SIRPA: variants seen among roughly 807,000 people sequenced by gnomAD.
SIRPA encodes the protein tyrosine-protein phosphatase non-receptor type substrate 1.
SIRPA carries 9 observed loss-of-function variants against 50.3 expected under a neutral mutation model. That is an observed-to-expected ratio of 0.18 (90% confidence interval 0.11 to 0.31). The LOEUF (loss-of-function observed/expected upper bound fraction) is 0.31, where lower values mean the gene tolerates loss of function less well. Among genes scored for constraint, SIRPA ranks in the 10% least tolerant of loss-of-function variants. The pLI is 1.00. For missense variants in SIRPA, 474 were observed against 661.6 expected (o/e 0.72, Z 3.11); for synonymous variants, 265 against 284.1 (o/e 0.93, Z 0.68).
rs1418943597 is a variant in SIRPA at position 1,939,457 on chromosome 20, C to G, written c.*1889C>G. 1 of 152,202 alleles carries G rather than the reference C, an allele frequency of 6.6e-6. No individual in the cohort carries two copies. Among genetic ancestry groups the G allele is most frequent in the Admixed American group, 6.5e-5 (1 of 15,284 alleles). The allele number at this position is 152,202 out of a possible 1,614,324, so 9.4% of individuals were successfully genotyped here. On this transcript the variant is annotated 3_prime_UTR_variant, in exon 8 of 8. Transcript: ENST00000358771. This position sits in a 1 kb window ranked among gnomAD's most constrained non-coding sequence, Gnocchi z 4.7. Reference sequence around the variant, plus strand: ...GTGTGGCATCTGGGAGCCACAGTGACCCAGCCACCTGGCTCAGGCTAGTTC... The same window carrying G: ...GTGTGGCATCTGGGAGCCACAGTGAGCCAGCCACCTGGCTCAGGCTAGTTC...
Position 1,937,223 on chromosome 20 carries a change from A to C in SIRPA, c.1267-97A>C. ...CTGAGCCAGTGTGGGCCGAGAGGAC[A>C]CAGAAGCATCCAGACTTGGTATTCA... On this transcript the variant is annotated intron_variant, in intron 7 of 7. Coordinates refer to ENST00000358771, the MANE Select transcript of SIRPA (RefSeq NM_001040023.2). This position sits in a 1 kb window ranked among gnomAD's most constrained non-coding sequence, Gnocchi z 8.3. 7.0e-7 allele frequency: 1 copy of C among 1,436,346 alleles called. No individual in the cohort carries two copies. Among genetic ancestry groups the C allele is most frequent in the East Asian group, 2.3e-5 (1 of 43,596 alleles). 89.0% of individuals were successfully genotyped at this position (1,436,346 alleles called of 1,614,324 possible). A position where few individuals can be genotyped will look rare whatever the true frequency, so the allele number is the denominator to read the frequency against.
intron 1 of SIRPA, among the ~76,000 whole-genome samples, chr20:1,906,123 A>G (rs991145284): frequency 1.6e-4 from 24 of 152,124 alleles, no homozygotes; most frequent in African/African-American, 5.8e-4. Context: ...TCCTCAGAAC[A>G]ACCCTAGTAT....
At chr20:1,908,066 C>T (rs1296294254) in intron 1 of SIRPA, among the ~76,000 whole-genome samples, 2 of 152,132 alleles carry the variant, frequency 1.3e-5, no homozygotes, top group Admixed American at 6.6e-5. Context: ...ATCAAGGGCA[C>T]GACCCTAGAC....
At chr20:1,909,645 G>A (rs956557752) in intron 1 of SIRPA, among the ~76,000 whole-genome samples, 1 of 152,100 alleles carries the variant, frequency 6.6e-6, no homozygotes, top group African/African-American at 2.4e-5. Flanking sequence ...AGCCAGGTGT[G>A]GTGGCAGGCG....
Position 1,937,366 on chromosome 20 carries a change from AGAAGCCTGCTCCCCAGGCTGC to A in SIRPA, c.1315_1335del (p.Lys439_Ala445del), listed in dbSNP as rs1404732385. On this transcript the variant is annotated inframe_deletion, in exon 8 of 8. Coordinates refer to ENST00000358771, the MANE Select transcript of SIRPA (RefSeq NM_001040023.2). This position sits in a 1 kb window ranked among gnomAD's most constrained non-coding sequence, Gnocchi z 8.3. ...GCAGACCTGAACCTGCCCAAGGGGA[AGAAGCCTGCTCCCCAGGCTGC>A]GGAGCCCAACAACCACACGGAGTAT... 6.2e-7 allele frequency: 1 copy of A among 1,614,128 alleles called. No homozygotes were observed. Among genetic ancestry groups the A allele is most frequent in the Non-Finnish European group, 8.5e-7 (1 of 1,179,996 alleles).
intron 1 of SIRPA, among the ~76,000 whole-genome samples, chr20:1,914,255 C>T (rs1462241738): frequency 6.6e-6 from 1 of 152,156 alleles, no homozygotes; most frequent in Non-Finnish European, 1.5e-5. Context: ...AAAACTGAGA[C>T]TCAAAACTGA....
intron 1 of SIRPA, among the ~76,000 whole-genome samples, chr20:1,901,163 CTTTTTTTTTT>C (rs869181595): frequency 2.5e-5 from 2 of 78,838 alleles, no homozygotes; most frequent in Non-Finnish European, 4.5e-5. Flanking sequence ...TTCTTTCTTT[CTTTTTTTTTT>C]TTTTTTTTTT....
chr20:1,939,246 A>G lies in SIRPA; in HGVS notation c.*1678A>G, dbSNP rs1986760292. ...CTCCTGGCCTTGGGATGCCCAAGGG[A>G]TTTCTGGCTCAGGCTGTAAAAGTAG... On this transcript the variant is annotated 3_prime_UTR_variant, in exon 8 of 8. Transcript: ENST00000358771. The surrounding 1 kb of genome is among the most constrained non-coding windows in gnomAD (Gnocchi z 4.7). 6.6e-6 allele frequency: 1 copy of G among 152,160 alleles called. No homozygotes were observed. Among genetic ancestry groups the G allele is most frequent in the Admixed American group, 6.5e-5 (1 of 15,282 alleles). The allele number at this position is 152,160 out of a possible 1,614,324, so 9.4% of individuals were successfully genotyped here.
Position 1,922,506 on chromosome 20 carries a change from C to T in SIRPA, c.948C>T (p.Leu316=). The change falls in exon 4 of 8, where the codon CTC becomes CTT. Residue 316 remains leucine (L), a synonymous_variant. Coordinates refer to ENST00000358771, the MANE Select transcript of SIRPA (RefSeq NM_001040023.2). ...GTACCTACAACTGGATGAGCTGGCTCCTGGTGAATGTATCTGCCCACAGGG... is the reference window on the plus strand; with the variant it reads ...GTACCTACAACTGGATGAGCTGGCTTCTGGTGAATGTATCTGCCCACAGGG... The part of the protein sequence containing the change: ...KDGTYNWMSW[L]LVNVSAHRDD... The T allele has an allele frequency of 1.9e-6, 3 of 1,614,188 alleles. No individual in the cohort carries two copies. The highest frequency in any genetic ancestry group is 1.7e-6 in the Non-Finnish European group (2 of 1,180,038).
intron 1 of SIRPA, among the ~76,000 whole-genome samples, chr20:1,899,335 C>T (rs553270680): frequency 6.6e-6 from 1 of 152,342 alleles, no homozygotes; most frequent in African/African-American, 2.4e-5. Context: ...CAGGCTTCCT[C>T]CCTGCAGACC....
Position 1,922,655 on chromosome 20 carries a change from C to T in SIRPA, c.1087+10C>T. 2.5e-6 allele frequency: 4 copies of T among 1,602,466 alleles called. No homozygotes were observed. Among genetic ancestry groups the T allele is most frequent in the Non-Finnish European group, 3.4e-6 (4 of 1,174,518 alleles). On this transcript the variant is annotated intron_variant, in intron 4 of 7. Transcript: ENST00000358771. ...TCAAATACCGCCGCTGGTGAGGCCT[C>T]TATTTCAGCTGACCCAGCTTTTTTA...
rs771410735 is a variant in SIRPA at position 1,922,416 on chromosome 20, C to G, written c.858C>G (p.Thr286=). 11 of 1,614,148 alleles carry G rather than the reference C, an allele frequency of 6.8e-6. No homozygotes were observed. Among genetic ancestry groups the G allele is most frequent in the South Asian group, 2.2e-5 (2 of 91,092 alleles). The change falls in exon 4 of 8, where the codon ACC becomes ACG. Residue 286 remains threonine, a synonymous_variant. Coordinates refer to ENST00000358771, the MANE Select transcript of SIRPA (RefSeq NM_001040023.2). ...RKFYPQRLQL[T]WLENGNVSRT... ...TCTACCCCCAGAGACTACAGCTGAC[C>G]TGGTTGGAGAATGGAAACGTGTCCC... is the stretch of plus-strand genomic sequence containing the variant.
chr20:1,917,025 A>G (rs1441758557), intron 2 of SIRPA, among the ~76,000 whole-genome samples: 1 of 152,182 alleles, frequency 6.6e-6, no homozygotes. Flanking sequence ...TCTCGTGCCT[A>G]GACAATCACA....
rs868096441 is a variant in SIRPA at position 1,924,370 on chromosome 20, G to T, written c.1088-394G>T. Among the ~76,000 whole-genome samples, 1 of 152,198 alleles carries T rather than the reference G, an allele frequency of 6.6e-6. No homozygotes were observed. Among genetic ancestry groups the T allele is most frequent in the African/African-American group, 2.4e-5 (1 of 41,456 alleles). On this transcript the variant is annotated intron_variant, in intron 4 of 7. Transcript: ENST00000358771. This position sits in a 1 kb window ranked among gnomAD's most constrained non-coding sequence, Gnocchi z 4.5. ...CTGAGCTGTGCAGAGCCTGCTGGCC[G>T]CACTGCCCTTCTTCCAGCTGCTGAT...
At position 1,928,478 on chromosome 20, in the gene SIRPA, AC is replaced by A. The variant is rs1328019226; in HGVS notation, c.1226+581del. Among the ~76,000 whole-genome samples the A allele has an allele frequency of 6.6e-6, 1 of 152,172 alleles. No individual in the cohort carries two copies. Among genetic ancestry groups the A allele is most frequent in the African/African-American group, 2.4e-5 (1 of 41,438 alleles). Reference sequence around the variant, plus strand: ...CTACTATGTGCCAGCCCTGCTCAGGACCAGCTGGTGATATAGCAGTAAACAA... The same window carrying A: ...CTACTATGTGCCAGCCCTGCTCAGGACAGCTGGTGATATAGCAGTAAACAA... On this transcript the variant is annotated intron_variant, in intron 6 of 7. Transcript: ENST00000358771. The surrounding 1 kb of genome is among the most constrained non-coding windows in gnomAD (Gnocchi z 4.9).
chr20:1,909,982 C>G (rs1984791961), intron 1 of SIRPA, among the ~76,000 whole-genome samples: 1 of 152,136 alleles, frequency 6.6e-6, no homozygotes, highest in Non-Finnish European at 1.5e-5. Context: ...CCCTCCTTGG[C>G]CAATTCAAAG....
chr20:1,937,320 G>C lies in SIRPA; in HGVS notation c.1267G>C (p.Asp423His). Residue 423 changes from aspartate (D) to histidine (H), a missense_variant and splice_region_variant, in exon 8 of 8, where the codon GAC becomes CAC. By Grantham distance (81) the Asp-to-His change is moderately conservative (BLOSUM62 -1). This residue lies in a region of SIRPA where 180 missense variants were observed against 206.7 expected (regional missense o/e 0.87). Coordinates refer to ENST00000358771, the MANE Select transcript of SIRPA (RefSeq NM_001040023.2). The surrounding 1 kb of genome is among the most constrained non-coding windows in gnomAD (Gnocchi z 8.3). ...TTCTCTTTGGGTATCTTAAATCCAG[G>C]ACACAAATGATATCACATATGCAGA... The part of the protein sequence containing the change: ...PEKNAREITQ[D>H]TNDITYADLN... 6.2e-7 allele frequency: 1 copy of C among 1,611,324 alleles called. No individual in the cohort carries two copies. Among genetic ancestry groups the C allele is most frequent in the East Asian group, 2.2e-5 (1 of 44,760 alleles).
rs898545155 is a variant in SIRPA, at chr20:1,898,176, C to T, written c.79+2650C>T. Among the ~76,000 whole-genome samples the T allele has an allele frequency of 6.6e-6, 1 of 152,220 alleles. No homozygotes were observed. The highest frequency in any genetic ancestry group is 1.5e-5 in the Non-Finnish European group (1 of 68,040). ...CGGGGCCCCCCAGTGAACCTCTCAC[C>T]GTTTGGTAGAGGGTGGCACTCTGGG... is the stretch of plus-strand genomic sequence containing the variant. On this transcript the variant is annotated intron_variant, in intron 1 of 7. Transcript: ENST00000358771. The surrounding 1 kb of genome is among the most constrained non-coding windows in gnomAD (Gnocchi z 4.3).
chr20:1,918,666 G>A (rs556061053), intron 2 of SIRPA, among the ~76,000 whole-genome samples: 1 of 152,232 alleles, frequency 6.6e-6, no homozygotes, highest in South Asian at 2.1e-4. Flanking sequence ...ACCTTAGTAA[G>A]CAATGGGGTT....
Sources: allele counts gnomAD v4.1 joint callset (sites outside exome capture counted in the v4.1 genomes callset), GRCh38; gene constraint gnomAD v4.1.1; regional missense constraint gnomAD v4.1.1; non-coding constraint Gnocchi (gnomAD v3.1); transcripts MANE v1.5; gene names NCBI Gene and HGNC (gene_info 2026-07-23, HGNC 2026-07-21).